Variants in VRK2 observed in about 807,000 individuals in gnomAD.
VRK2 encodes the protein VRK serine/threonine kinase 2.
Under a neutral mutation model 57.6 loss-of-function variants are expected in VRK2, and 60 were observed. That is an observed-to-expected ratio of 1.04 (90% CI 0.85 to 1.29). VRK2 has a LOEUF of 1.29. Among genes scored for constraint, VRK2 ranks in the 50% most tolerant of loss-of-function variants. The pLI is 0.00. For missense variants in VRK2, 705 were observed against 588.1 expected (o/e 1.20, Z -2.06); for synonymous variants, 231 against 199.2 (o/e 1.16, Z -1.35).
At position 58,159,773 on chromosome 2, in the gene VRK2, T is replaced by C. The variant is rs1684808908; in HGVS notation, c.*80T>C. On this transcript the variant is annotated 3_prime_UTR_variant, in exon 13 of 13. Transcript: ENST00000340157. ...AATGTTGTATTCTTATTTCAGTGTT[T>C]CCTTCCAGACATTTTTAAGGTAATT... 2 of 1,613,262 alleles carry C rather than the reference T, an allele frequency of 1.2e-6. No individual in the cohort carries two copies. Among genetic ancestry groups the C allele is most frequent in the Non-Finnish European group, 1.7e-6 (2 of 1,179,602 alleles).
At chr2:58,069,874 G>A (rs890778833) in intron 2 of VRK2, among the ~76,000 whole-genome samples, 1 of 152,168 alleles carries the variant, frequency 6.6e-6, no homozygotes, top group Non-Finnish European at 1.5e-5. Context: ...GCTTCCTTGA[G>A]TTCTGACCGA....
intron 7 of VRK2, among the ~76,000 whole-genome samples, chr2:58,108,992 TA>T (rs1244846435): frequency 2.6e-5 from 4 of 152,372 alleles, no homozygotes; most frequent in Admixed American, 6.5e-5. Context: ...TTGACTTATG[TA>T]AAGTACTTAA....
At chr2:58,004,197 A>T (rs1444501030) in intron 1 of VRK2, among the ~76,000 whole-genome samples, 2 of 151,996 alleles carry the variant, frequency 1.3e-5, no homozygotes, top group Non-Finnish European at 2.9e-5. Context: ...GCACACACAC[A>T]CAAACACACA....
intron 1 of VRK2, among the ~76,000 whole-genome samples, chr2:58,048,348 G>A (rs1034662386): frequency 6.6e-6 from 1 of 152,100 alleles, no homozygotes; most frequent in African/African-American, 2.4e-5. Context: ...CTAGTATCAC[G>A]GTGGTGAGAT....
intron 1 of VRK2, among the ~76,000 whole-genome samples, chr2:57,970,077 A>C (rs1446295231): frequency 6.6e-6 from 1 of 150,912 alleles, no homozygotes; most frequent in Non-Finnish European, 1.5e-5. Context: ...GACAAAGGGC[A>C]TATAAAATGT....
chr2:58,143,526 A>T (rs1023370418), intron 11 of VRK2, among the ~76,000 whole-genome samples: 1 of 151,956 alleles, frequency 6.6e-6, no homozygotes, highest in African/African-American at 2.4e-5. Flanking sequence ...CTAACCATTC[A>T]GCCAACTAAA....
At chr2:57,983,571 A>G (rs145026342) in intron 1 of VRK2, among the ~76,000 whole-genome samples, 4 of 152,296 alleles carry the variant, frequency 2.6e-5, no homozygotes, top group African/African-American at 9.6e-5. Flanking sequence ...AAAAAAACTA[A>G]TAATGGATTC....
At chr2:58,092,943 T>C (rs1179887031) in intron 7 of VRK2, among the ~76,000 whole-genome samples, 2 of 152,222 alleles carry the variant, frequency 1.3e-5, no homozygotes, top group African/African-American at 4.8e-5. Flanking sequence ...GATAGTTTCC[T>C]GAGAATGATG....
rs552209375 is a variant in VRK2, at chr2:57,992,740, G to A, written c.-438-32925G>A. Reference sequence around the variant, plus strand: ...TTTAGTAGAGACGGGGTTTCACCTTGTTAGCCAGGATGGTCTCGATCTCCT... The same window carrying A: ...TTTAGTAGAGACGGGGTTTCACCTTATTAGCCAGGATGGTCTCGATCTCCT... On this transcript the variant is annotated intron_variant, in intron 1 of 15. Coordinates refer to the VRK2 transcript ENST00000417641. 1.8e-4 allele frequency among the ~76,000 whole-genome samples: 28 copies of A among 152,004 alleles called. No homozygotes were observed. The South Asian group carries it at 4.2e-3, about 23-fold the overall frequency.
exon 3 of VRK2, chr2:58,033,510 A>C (rs1207471558): frequency 6.6e-6 from 1 of 152,054 alleles, no homozygotes; most frequent in East Asian, 1.9e-4. Flanking sequence ...GAAGGAACAC[A>C]GCCCTGCTGA....
intron 1 of VRK2, among the ~76,000 whole-genome samples, chr2:57,927,035 T>C (rs1356224094): frequency 6.6e-6 from 1 of 150,868 alleles, no homozygotes; most frequent in African/African-American, 2.4e-5. Flanking sequence ...TGTGTGTCTG[T>C]CGTATTTTTT....
At chr2:58,055,309 CA>C (rs985760383) in intron 2 of VRK2, among the ~76,000 whole-genome samples, 4 of 152,124 alleles carry the variant, frequency 2.6e-5, no homozygotes, top group Admixed American at 2.6e-4. Flanking sequence ...GTTTAAGTAT[CA>C]GGGGCCCAAA....
At chr2:57,913,337 T>G (rs977620561) in intron 1 of VRK2, among the ~76,000 whole-genome samples, 2 of 152,220 alleles carry the variant, frequency 1.3e-5, no homozygotes, top group African/African-American at 4.8e-5. Flanking sequence ...TAAATGACTG[T>G]CTATAAAAGT....
intron 1 of VRK2, among the ~76,000 whole-genome samples, chr2:57,985,925 CTG>C (rs761467706): frequency 1.3e-5 from 2 of 152,046 alleles, no homozygotes; most frequent in African/African-American, 2.4e-5. Flanking sequence ...TCAAATAAAA[CTG>C]TATCATTTAC....
intron 1 of VRK2, among the ~76,000 whole-genome samples, chr2:57,981,755 T>C (rs1426836610): frequency 6.6e-6 from 1 of 152,252 alleles, no homozygotes; most frequent in Admixed American, 6.5e-5. Flanking sequence ...AATTTGGTTC[T>C]TTTTCAAAAT....
At chr2:58,144,815 A>G (rs899698602) in intron 11 of VRK2, among the ~76,000 whole-genome samples, 4 of 151,984 alleles carry the variant, frequency 2.6e-5, no homozygotes, top group Admixed American at 1.3e-4. Flanking sequence ...ACTGAAAGGC[A>G]GTGGTTTTGA....
At position 58,048,839 on chromosome 2, in the gene VRK2, C is replaced by A; in HGVS notation, c.8C>A (p.Pro3Gln). ...CTTCTGCCAACAGAAGTGATGCCAC[C>A]AAAAAGAAATGAAAAATACAAACTT... MP[P>Q]KRNEKYKLPI... The change falls in exon 2 of 13, where the codon CCA (proline) becomes CAA (glutamine). Residue 3 changes from proline (P) to glutamine (Q), a missense_variant. By Grantham distance (76) the Pro-to-Gln change is moderately conservative. Coordinates refer to ENST00000340157, the MANE Select transcript of VRK2 (RefSeq NM_006296.7). 1 of 1,613,254 alleles carries A rather than the reference C, an allele frequency of 6.2e-7. No homozygotes were observed. The highest frequency in any genetic ancestry group is 8.5e-7 in the Non-Finnish European group (1 of 1,179,638).
chr2:58,136,196 A>G (rs1679983162), intron 10 of VRK2, among the ~76,000 whole-genome samples: 1 of 152,182 alleles, frequency 6.6e-6, no homozygotes, highest in South Asian at 2.1e-4. Context: ...TCCATTTGCA[A>G]GTCCAATAAG....
intron 12 of VRK2, 62 bp downstream of exon 12, chr2:58,146,536 G>A: frequency 6.5e-7 from 1 of 1,529,558 alleles, no homozygotes; most frequent in Non-Finnish European, 8.8e-7. Flanking sequence ...ATGCCCTTTG[G>A]GAATAAAAAC....
Sources: gnomAD v4.1 joint callset for allele counts (sites outside exome capture counted in the v4.1 genomes callset) on GRCh38, gnomAD v4.1.1 for gene constraint, MANE v1.5 for transcripts, NCBI Gene and HGNC (gene_info 2026-07-23, HGNC 2026-07-21) for gene names.